CEP63: variants seen among roughly 807,000 people sequenced by gnomAD.
CEP63 encodes the protein centrosomal protein of 63 kDa.
A neutral mutation model predicts 89.1 loss-of-function variants in CEP63; 84 were observed. The ratio of observed to expected loss-of-function variants is 0.94; its 90% CI spans 0.79 to 1.13. The LOEUF is 1.13. Among genes scored for constraint, CEP63 ranks in the 50% most tolerant of loss-of-function variants. CEP63 has a pLI of 0.00. For synonymous variants in CEP63, 267 were observed against 272.5 expected (o/e 0.98, Z 0.20); for missense variants, 838 against 813.3 (o/e 1.03, Z -0.37).
the CEP63 span, among the ~76,000 whole-genome samples, chr3:134,678,416 A>G: frequency 6.6e-6 from 1 of 152,224 alleles, no homozygotes; most frequent in Non-Finnish European, 1.5e-5. Context: ...TACATTGTTT[A>G]AATAGGCTTC....
At chr3:134,625,705 C>T in the CEP63 span, among the ~76,000 whole-genome samples, 1 of 152,236 alleles carries the variant, frequency 6.6e-6, no homozygotes, top group Non-Finnish European at 1.5e-5. Context: ...GACAGGCTTC[C>T]TCCTTTGCCC....
At position 134,546,158 on chromosome 3, in the gene CEP63, G is replaced by C; in HGVS notation, c.799G>C (p.Glu267Gln). The C allele has an allele frequency of 1.9e-6, 3 of 1,613,798 alleles. No individual in the cohort carries two copies. The highest frequency in any genetic ancestry group is 2.5e-6 in the Non-Finnish European group (3 of 1,179,916). ...ESEKLLEALQ[E>Q]EKRELKAALQ... ...TTTGACTTTTTTGCAGGCTCTGCAG[G>C]AAGAAAAGAGAGAATTGAAGGCAGC... is the stretch of plus-strand genomic sequence containing the variant. The change falls in exon 8 of 15, where the codon GAA becomes CAA. Residue 267 changes from glutamate (E) to glutamine (Q), a missense_variant. Transcript: ENST00000675561.
At chr3:134,522,894 T>C (rs1303310683) in intron 3 of CEP63, among the ~76,000 whole-genome samples, 1 of 152,160 alleles carries the variant, frequency 6.6e-6, no homozygotes, top group Non-Finnish European at 1.5e-5. Context: ...GATGGAACGA[T>C]TTACATTTTT....
the CEP63 span, chr3:134,608,294 C>T: frequency 2.5e-6 from 3 of 1,221,334 alleles, no homozygotes; most frequent in Non-Finnish European, 3.1e-6. Context: ...CTGAGAGAGA[C>T]TCACCCAGCT....
intron 5 of CEP63, among the ~76,000 whole-genome samples, chr3:134,534,265 G>A (rs1950367171): frequency 1.3e-5 from 2 of 152,078 alleles, no homozygotes; most frequent in Admixed American, 6.5e-5. Flanking sequence ...CAGTTTCTTG[G>A]CTTTCTTTCC....
intron 10 of CEP63, among the ~76,000 whole-genome samples, chr3:134,549,599 T>G (rs1267582964): frequency 2.0e-5 from 3 of 152,194 alleles, no homozygotes; most frequent in African/African-American, 7.2e-5. Context: ...GCAGAGCTGT[T>G]TGTGTCTATA....
At chr3:134,594,115 T>C in the CEP63 span, among the ~76,000 whole-genome samples, 1 of 152,194 alleles carries the variant, frequency 6.6e-6, no homozygotes, top group Non-Finnish European at 1.5e-5. Flanking sequence ...CAAATATAAA[T>C]ATGAGCAAAG....
the CEP63 span, among the ~76,000 whole-genome samples, chr3:134,743,796 C>T: frequency 6.6e-6 from 1 of 152,196 alleles, no homozygotes; most frequent in East Asian, 1.9e-4. Flanking sequence ...CCAAAAAACT[C>T]TTCCTTCCTC....
chr3:134,710,841 C>G, the CEP63 span, among the ~76,000 whole-genome samples: 1 of 151,750 alleles, frequency 6.6e-6, no homozygotes, highest in Non-Finnish European at 1.5e-5. Flanking sequence ...CCTGCCTCAG[C>G]CTCCCAAGTA....
At chr3:134,662,693 T>C in the CEP63 span, among the ~76,000 whole-genome samples, 1 of 152,080 alleles carries the variant, frequency 6.6e-6, no homozygotes, top group Non-Finnish European at 1.5e-5. Context: ...CAGAGTGGAG[T>C]TTGAAGCAAA....
chr3:134,690,865 C>G, the CEP63 span, among the ~76,000 whole-genome samples: 9 of 151,928 alleles, frequency 5.9e-5, no homozygotes, highest in East Asian at 1.8e-3. Flanking sequence ...TCTCCTGCCT[C>G]AGCCTCCCAA....
downstream of CEP63, among the ~76,000 whole-genome samples, chr3:134,567,544 A>G (rs1268055060): frequency 6.6e-6 from 1 of 151,756 alleles, no homozygotes; most frequent in Non-Finnish European, 1.5e-5. Context: ...ATACCACAAC[A>G]CATATAGCAC....
At chr3:134,594,941 C>T in the CEP63 span, among the ~76,000 whole-genome samples, 1 of 152,224 alleles carries the variant, frequency 6.6e-6, no homozygotes, top group Non-Finnish European at 1.5e-5. Context: ...GTGGAATCCT[C>T]CTGGAGCTCA....
the CEP63 span, among the ~76,000 whole-genome samples, chr3:134,687,906 G>A: frequency 6.6e-6 from 1 of 152,302 alleles, no homozygotes; most frequent in African/African-American, 2.4e-5. Flanking sequence ...GAAACAGGAA[G>A]ACAATATCAA....
the CEP63 span, among the ~76,000 whole-genome samples, chr3:134,628,559 C>T: frequency 6.6e-6 from 1 of 152,136 alleles, no homozygotes; most frequent in Admixed American, 6.5e-5. Flanking sequence ...AGAAACAGTG[C>T]TCCATTTATT....
the CEP63 span, among the ~76,000 whole-genome samples, chr3:134,694,905 G>A: frequency 6.6e-6 from 1 of 152,208 alleles, no homozygotes; most frequent in African/African-American, 2.4e-5. Context: ...ACATGTGTGG[G>A]CACGTGTGTT....
the CEP63 span, among the ~76,000 whole-genome samples, chr3:134,756,097 C>T: frequency 1.3e-5 from 2 of 152,146 alleles, no homozygotes; most frequent in South Asian, 2.1e-4. Flanking sequence ...TTGCCCAGCC[C>T]GAGCAGGGCA....
intron 3 of CEP63, chr3:134,510,557 G>A: frequency 1.9e-6 from 1 of 523,342 alleles, no homozygotes; most frequent in Non-Finnish European, 3.5e-6. Flanking sequence ...TTAAGACCTT[G>A]TACCTGTGAA....
exon 11 of CEP63, among the ~76,000 whole-genome samples, chr3:134,587,760 G>C (rs906435681): frequency 6.6e-5 from 10 of 151,292 alleles, no homozygotes; most frequent in African/African-American, 2.4e-4. Flanking sequence ...GAAATCACCT[G>C]TCTTCTCCAT....
Sources: gnomAD v4.1 joint callset for allele counts (sites outside exome capture counted in the v4.1 genomes callset) on GRCh38, gnomAD v4.1.1 for gene constraint, MANE v1.5 for transcripts, NCBI Gene and HGNC (gene_info 2026-07-23, HGNC 2026-07-21) for gene names.